The following ZNF469 variants were observed in gnomAD, a reference collection of about 807,000 sequenced individuals.
ZNF469 encodes the protein zinc finger protein 469.
In ZNF469, 1 loss-of-function variant was observed where a neutral mutation model predicts 1.0. That is an observed-to-expected ratio of 1.00 (90% confidence interval 0.35 to 4.73). ZNF469 has a LOEUF of 4.73. Ranked by LOEUF, ZNF469 falls within the 30% of genes most tolerant of loss-of-function variation. The probability of loss-of-function intolerance (pLI) is 0.16; values close to 1 mark genes in which losing one functional copy is unlikely to be tolerated. For missense variants in ZNF469, 6,100 were observed against 5,356.3 expected (o/e 1.14, Z -4.33); for synonymous variants, 2,703 against 2,363.4 (o/e 1.14, Z -4.17).
At chr16:88,403,698 C>T (rs1904947522) in intron 1 of ZNF469, among the ~76,000 whole-genome samples, 1 of 152,246 alleles carries the variant, frequency 6.6e-6, no homozygotes, top group African/African-American at 2.4e-5. Context: ...CCTTTCCATT[C>T]TGCAATTGTT....
chr16:88,410,476 G>A (rs564488658), intron 1 of ZNF469, among the ~76,000 whole-genome samples: 5 of 142,766 alleles, frequency 3.5e-5, no homozygotes, highest in East Asian at 2.1e-4. Flanking sequence ...CACGGTTCAC[G>A]GTGACGTCTA....
the ZNF469 span, among the ~76,000 whole-genome samples, chr16:88,294,122 G>C: frequency 6.6e-6 from 1 of 152,230 alleles, no homozygotes; most frequent in African/African-American, 2.4e-5. Flanking sequence ...ACCCAGGAAA[G>C]CTCTGGCTCA....
chr16:88,387,560 C>T (rs1476735897), intron 1 of ZNF469, among the ~76,000 whole-genome samples: 3 of 152,238 alleles, frequency 2.0e-5, no homozygotes, highest in East Asian at 3.8e-4. Flanking sequence ...CGGCGTCAAA[C>T]GGTAGACTTC....
chr16:88,428,524 A>C lies in ZNF469; in HGVS notation c.1054A>C (p.Ser352Arg). 2 of 1,549,972 alleles carry C rather than the reference A, an allele frequency of 1.3e-6. No individual in the cohort carries two copies. Among genetic ancestry groups the C allele is most frequent in the South Asian group, 1.2e-5 (1 of 84,060 alleles). Residue 352 changes from serine (S) to arginine (R), a missense_variant, in exon 3 of 3, where the codon AGT becomes CGT. Transcript: ENST00000565624. ...PGGLNRHSDL[S>R]GALSSPGAAH... The stretch of plus-strand genomic sequence containing the variant: ...TGGCCTGAACCGCCACAGCGACCTC[A>C]GTGGTGCCCTCTCTTCCCCTGGAGC...
At chr16:88,275,204 C>A in the ZNF469 span, among the ~76,000 whole-genome samples, 1 of 152,190 alleles carries the variant, frequency 6.6e-6, no homozygotes, top group Non-Finnish European at 1.5e-5. Context: ...TTATGTCTCG[C>A]TGACAGTCCG....
the ZNF469 span, among the ~76,000 whole-genome samples, chr16:88,270,572 C>T: frequency 3.9e-5 from 6 of 152,222 alleles, no homozygotes; most frequent in African/African-American, 7.2e-5. Flanking sequence ...AGTGACATTC[C>T]ATCCGTCTGC....
At chr16:88,171,059 T>C in the ZNF469 span, among the ~76,000 whole-genome samples, 1 of 152,334 alleles carries the variant, frequency 6.6e-6, no homozygotes, top group East Asian at 1.9e-4. Context: ...CTTTTAAATA[T>C]ACATTTATCT....
chr16:88,411,961 G>A (rs545072805), intron 1 of ZNF469, among the ~76,000 whole-genome samples: 15 of 248 alleles, frequency 0.06, no homozygotes, highest in South Asian at 0.33. Flanking sequence ...GAGCCCTGGC[G>A]TGGTGTCGCA....
chr16:88,224,845 G>C, the ZNF469 span, among the ~76,000 whole-genome samples: 139 of 152,330 alleles, frequency 9.1e-4, no homozygotes, highest in Non-Finnish European at 1.5e-3. Context: ...TATCTGTGAA[G>C]CGCCCAGTGG....
chr16:88,136,888 G>T, the ZNF469 span, among the ~76,000 whole-genome samples: 37 of 152,372 alleles, frequency 2.4e-4, 1 homozygote, highest in South Asian at 4.8e-3. Flanking sequence ...CTGGCCACTG[G>T]GAGGGGAGGA....
At chr16:88,258,555 A>G in the ZNF469 span, among the ~76,000 whole-genome samples, 48,379 of 151,952 alleles carry the variant, frequency 0.32, 8,182 homozygotes, top group Middle Eastern at 0.46. Flanking sequence ...AGTTTAAGGC[A>G]GTAATATTGG....
the ZNF469 span, among the ~76,000 whole-genome samples, chr16:88,204,261 C>A: frequency 6.6e-6 from 1 of 152,066 alleles, no homozygotes; most frequent in Admixed American, 6.5e-5. Context: ...CGCACCATAA[C>A]CCCATAGAGC....
At chr16:88,258,734 G>C in the ZNF469 span, among the ~76,000 whole-genome samples, 1 of 152,208 alleles carries the variant, frequency 6.6e-6, no homozygotes, top group African/African-American at 2.4e-5. Flanking sequence ...ATTTTAGAGG[G>C]TTTGCAGCAA....
chr16:88,414,473 C>T lies in ZNF469; in HGVS notation c.-191-10334C>T, dbSNP rs116477395. On this transcript the variant is annotated intron_variant, in intron 1 of 2. Coordinates refer to ENST00000565624, the MANE Select transcript of ZNF469 (RefSeq NM_001367624.2). Reference sequence around the variant, plus strand: ...TGTTGGAGGCCCAGGGATGCTGTGGCGCCGGGATTTGAAAGGTGGCAGCCT... The same window carrying T: ...TGTTGGAGGCCCAGGGATGCTGTGGTGCCGGGATTTGAAAGGTGGCAGCCT... 2.2e-3 allele frequency among the ~76,000 whole-genome samples: 338 copies of T among 152,346 alleles called. 2 individuals carry two copies. The highest frequency in any genetic ancestry group is 7.2e-3 in the African/African-American group (299 of 41,580).
At chr16:88,226,629 A>G in the ZNF469 span, among the ~76,000 whole-genome samples, 1 of 152,042 alleles carries the variant, frequency 6.6e-6, no homozygotes, top group Non-Finnish European at 1.5e-5. Context: ...TGGAAAGCAG[A>G]TGTCACCCTC....
the ZNF469 span, among the ~76,000 whole-genome samples, chr16:88,297,074 C>T: frequency 1.3e-5 from 2 of 152,232 alleles, no homozygotes; most frequent in Admixed American, 1.3e-4. Context: ...GAGCAGACAT[C>T]CAGTAAGCAG....
chr16:88,432,073 G>C lies in ZNF469; in HGVS notation c.4603G>C (p.Val1535Leu). Residue 1535 changes from valine (V) to leucine (L), a missense_variant, in exon 3 of 3, where the codon GTT (valine) becomes CTT (leucine). Physicochemically the swap from Val to Leu is conservative, Grantham distance 32 (BLOSUM62 1). Coordinates refer to ENST00000565624, the MANE Select transcript of ZNF469 (RefSeq NM_001367624.2). ...GACGTGTCCCCCTGAACGGACAGTG[G>C]TTCCCGGCGCCGCCCCATCTTTGCC... ...SKTCPPERTV[V>L]PGAAPSLPGK... 6.4e-7 allele frequency: 1 copy of C among 1,550,536 alleles called. No individual in the cohort carries two copies. Among genetic ancestry groups the C allele is most frequent in the Non-Finnish European group, 8.7e-7 (1 of 1,147,012 alleles).
chr16:88,179,563 C>T, the ZNF469 span, among the ~76,000 whole-genome samples: 1 of 152,188 alleles, frequency 6.6e-6, no homozygotes, highest in African/African-American at 2.4e-5. Context: ...AAATGTTCAC[C>T]TGTGAACTTG....
chr16:88,409,509 G>T (rs1905089253), intron 1 of ZNF469, among the ~76,000 whole-genome samples: 1 of 152,188 alleles, frequency 6.6e-6, no homozygotes, highest in African/African-American at 2.4e-5. Flanking sequence ...CGTGCTCAGG[G>T]CAGCAGCCGG....
Sources: allele counts gnomAD v4.1 joint callset (sites outside exome capture counted in the v4.1 genomes callset), GRCh38; gene constraint gnomAD v4.1.1; transcripts MANE v1.5; gene names NCBI Gene and HGNC (gene_info 2026-07-23, HGNC 2026-07-21).